INTS15: variants seen among roughly 807,000 people sequenced by gnomAD.
INTS15 encodes the protein integrator complex subunit 15.
At chr7:6,591,836 C>T in the INTS15 span, 5 of 1,613,802 alleles carry the variant, frequency 3.1e-6, no homozygotes, top group East Asian at 4.5e-5. Context: ...TGTCGAATCC[C>T]GGTGTTGGAG....
chr7:6,590,600 C>T, the INTS15 span: 5 of 1,394,634 alleles, frequency 3.6e-6, no homozygotes, highest in South Asian at 1.6e-5. Context: ...TCGCGCTCGG[C>T]CTCGCTCCTG....
the INTS15 span, among the ~76,000 whole-genome samples, chr7:6,590,682 A>G: frequency 2.6e-5 from 4 of 152,178 alleles, no homozygotes; most frequent in African/African-American, 9.7e-5. Context: ...GGGGCGTGTG[A>G]CAGCCGAGTC....
At chr7:6,593,329 GT>G in the INTS15 span, among the ~76,000 whole-genome samples, 116 of 130,838 alleles carry the variant, frequency 8.9e-4, no homozygotes, top group East Asian at 4.0e-3. Flanking sequence ...CTGTGCGGTG[GT>G]TTTTTTTTTT....
At chr7:6,599,254 G>T in the INTS15 span, among the ~76,000 whole-genome samples, 1 of 152,174 alleles carries the variant, frequency 6.6e-6, no homozygotes, top group South Asian at 2.1e-4. Flanking sequence ...GTCACCATCT[G>T]TTCTTCTCTG....
the INTS15 span, among the ~76,000 whole-genome samples, chr7:6,596,737 T>C: frequency 3.3e-5 from 5 of 152,068 alleles, no homozygotes; most frequent in African/African-American, 2.4e-5. Flanking sequence ...GTGGAAATAT[T>C]GTGAACATGC....
chr7:6,600,838 A>T, the INTS15 span, among the ~76,000 whole-genome samples: 67 of 152,118 alleles, frequency 4.4e-4, no homozygotes, highest in African/African-American at 1.5e-3. Flanking sequence ...TTGTATTTTT[A>T]GTAGAGACAG....
chr7:6,597,988 A>G, the INTS15 span, among the ~76,000 whole-genome samples: 117 of 152,334 alleles, frequency 7.7e-4, 1 homozygote, highest in African/African-American at 2.7e-3. Context: ...GATCCTAGAG[A>G]CTGAGGACTC....
At chr7:6,593,151 C>A in the INTS15 span, among the ~76,000 whole-genome samples, 14 of 152,188 alleles carry the variant, frequency 9.2e-5, no homozygotes, top group South Asian at 2.9e-3. Context: ...ATGTAGAGGG[C>A]GAGATAGTGA....
chr7:6,591,894 G>T, the INTS15 span: 1 of 1,600,244 alleles, frequency 6.2e-7, no homozygotes, highest in South Asian at 1.1e-5. Context: ...ACCCTCGGCC[G>T]GGTGCGGTGG....
the INTS15 span, among the ~76,000 whole-genome samples, chr7:6,602,485 C>T: frequency 6.6e-6 from 1 of 152,198 alleles, no homozygotes; most frequent in Non-Finnish European, 1.5e-5. Context: ...CACAGCCCTA[C>T]AGCACTGTAC....
chr7:6,592,045 C>T, the INTS15 span, among the ~76,000 whole-genome samples: 2 of 151,984 alleles, frequency 1.3e-5, no homozygotes, highest in East Asian at 1.9e-4. Context: ...GTGTTGCATA[C>T]CTGTAACCCC....
chr7:6,600,379 C>T, the INTS15 span: 6 of 1,594,958 alleles, frequency 3.8e-6, no homozygotes, highest in Admixed American at 8.5e-5. Flanking sequence ...CTGGCCCAGG[C>T]CTCCTGGTGC....
At chr7:6,607,580 C>T in the INTS15 span, 1 of 1,351,874 alleles carries the variant, frequency 7.4e-7, no homozygotes, top group Non-Finnish European at 9.8e-7. The surrounding 1 kb of genome is among the most constrained non-coding windows in gnomAD (Gnocchi z 6.0). Flanking sequence ...CTTCCTGGGG[C>T]TTCTGCTTGG....
the INTS15 span, among the ~76,000 whole-genome samples, chr7:6,605,101 T>C: frequency 1.3e-5 from 2 of 152,174 alleles, no homozygotes; most frequent in African/African-American, 2.4e-5. Flanking sequence ...CAAGCGATTC[T>C]CCTGCCTCAA....
chr7:6,603,203 G>A, the INTS15 span, among the ~76,000 whole-genome samples: 1 of 151,834 alleles, frequency 6.6e-6, no homozygotes, highest in Non-Finnish European at 1.5e-5. Context: ...TGAGCCAAGA[G>A]CATGGCACTG....
At chr7:6,600,189 T>C in the INTS15 span, 2 of 1,613,988 alleles carry the variant, frequency 1.2e-6, no homozygotes. Flanking sequence ...TATGGGCGCC[T>C]GGGGCTGATC....
chr7:6,595,666 CA>C, the INTS15 span, among the ~76,000 whole-genome samples: 4 of 152,126 alleles, frequency 2.6e-5, no homozygotes, highest in African/African-American at 9.7e-5. Flanking sequence ...TTATCATCCC[CA>C]TACTTTCTTT....
the INTS15 span, among the ~76,000 whole-genome samples, chr7:6,592,595 G>A: frequency 2.0e-5 from 3 of 151,652 alleles, no homozygotes; most frequent in Non-Finnish European, 2.9e-5. Flanking sequence ...TTAAATTAGG[G>A]TGTGTTTTTT....
the INTS15 span, among the ~76,000 whole-genome samples, chr7:6,605,109 C>T: frequency 6.6e-6 from 1 of 152,190 alleles, no homozygotes; most frequent in Non-Finnish European, 1.5e-5. Flanking sequence ...TCTCCTGCCT[C>T]AACCTCCTGA....
Sources: allele counts gnomAD v4.1 joint callset (sites outside exome capture counted in the v4.1 genomes callset), GRCh38; gene constraint gnomAD v4.1.1; non-coding constraint Gnocchi (gnomAD v3.1); transcripts MANE v1.5; gene names NCBI Gene and HGNC (gene_info 2026-07-23, HGNC 2026-07-21).